Variants in NTM observed in about 807,000 individuals in gnomAD.
NTM encodes the protein IgLON family member 2.
A neutral mutation model predicts 42.1 loss-of-function variants in NTM; 13 were observed. That is an observed-to-expected ratio of 0.31 (90% CI 0.20 to 0.49). NTM has a LOEUF of 0.49. NTM is among the 20% of genes least tolerant of loss of function. NTM has a pLI of 0.99. For missense variants in NTM, 373 were observed against 452.8 expected, an observed-to-expected ratio of 0.82 and a Z score of 1.60; for synonymous variants, 187 against 179.2, an observed-to-expected ratio of 1.04 and a Z score of -0.35.
chr11:132,185,166 A>AACATCTCT (rs1488417359), intron 3 of NTM, among the ~76,000 whole-genome samples: 4 of 152,200 alleles, frequency 2.6e-5, no homozygotes, highest in African/African-American at 4.8e-5. Flanking sequence ...TTCACACTGA[A>AACATCTCT]ACATCTCTTT....
intron 1 of NTM, among the ~76,000 whole-genome samples, chr11:131,583,543 T>C (rs2058599697): frequency 6.6e-6 from 1 of 152,060 alleles, no homozygotes; most frequent in Non-Finnish European, 1.5e-5. Context: ...TTCAGAAGAG[T>C]AATCGCGCCT....
chr11:131,374,180 G>A (rs1253456200), intron 1 of NTM, among the ~76,000 whole-genome samples: 1 of 152,220 alleles, frequency 6.6e-6, no homozygotes, highest in Non-Finnish European at 1.5e-5. Flanking sequence ...GAGCCTCATC[G>A]AATGGAACCT....
At chr11:132,295,448 G>A (rs2094578690) in intron 4 of NTM, among the ~76,000 whole-genome samples, 1 of 152,074 alleles carries the variant, frequency 6.6e-6, no homozygotes, top group South Asian at 2.1e-4. Context: ...GAGTCCAGTG[G>A]GGTAAACATA....
intron 1 of NTM, among the ~76,000 whole-genome samples, chr11:131,649,745 G>C (rs1374940343): frequency 6.6e-6 from 1 of 152,162 alleles, no homozygotes. Flanking sequence ...TAGGTGAAAG[G>C]GAAGTGGATG....
chr11:131,590,840 T>C (rs2059301468), intron 1 of NTM, among the ~76,000 whole-genome samples: 1 of 152,076 alleles, frequency 6.6e-6, no homozygotes, highest in African/African-American at 2.4e-5. Context: ...TGGCCCCAAA[T>C]CCAATGCTCT....
chr11:132,317,691 G>A (rs1565467261), intron 7 of NTM: 4 of 1,303,288 alleles, frequency 3.1e-6, no homozygotes, highest in Non-Finnish European at 4.0e-6. Flanking sequence ...TTGTTGCAAG[G>A]TCAGTATCTT....
At chr11:131,963,900 T>A (rs1482848724) in intron 2 of NTM, among the ~76,000 whole-genome samples, 1 of 151,834 alleles carries the variant, frequency 6.6e-6, no homozygotes, top group Non-Finnish European at 1.5e-5. Context: ...AGAGAGAGAG[T>A]GTTAGAGTCA....
intron 1 of NTM, among the ~76,000 whole-genome samples, chr11:131,828,468 C>A (rs1249650871): frequency 2.6e-5 from 4 of 151,932 alleles, no homozygotes; most frequent in African/African-American, 9.7e-5. Flanking sequence ...AACATTACCA[C>A]CATCACCACC....
chr11:131,950,938 G>A (rs1442833370), intron 2 of NTM, among the ~76,000 whole-genome samples: 1 of 152,196 alleles, frequency 6.6e-6, no homozygotes, highest in Non-Finnish European at 1.5e-5. Flanking sequence ...TGGGAGGCAA[G>A]TTGAAGTCAG....
chr11:132,171,651 A>G (rs2076137492), intron 3 of NTM, among the ~76,000 whole-genome samples: 1 of 152,168 alleles, frequency 6.6e-6, no homozygotes, highest in African/African-American at 2.4e-5. Context: ...TTGTCCTTTC[A>G]CACACTTGGA....
intron 1 of NTM, among the ~76,000 whole-genome samples, chr11:131,703,258 C>T (rs138315038): frequency 1.2e-3 from 179 of 152,166 alleles, no homozygotes; most frequent in South Asian, 3.1e-3. Context: ...ACATTTTAGG[C>T]GATTGATATG....
intron 1 of NTM, among the ~76,000 whole-genome samples, chr11:131,634,940 A>T (rs1011767221): frequency 5.3e-5 from 8 of 152,224 alleles, no homozygotes; most frequent in Non-Finnish European, 1.2e-4. Flanking sequence ...CTGCATATTC[A>T]TTTCAATATC....
intron 1 of NTM, among the ~76,000 whole-genome samples, chr11:131,859,777 A>C (rs2046434927): frequency 6.6e-6 from 1 of 152,216 alleles, no homozygotes; most frequent in African/African-American, 2.4e-5. Flanking sequence ...CTCTACAAAC[A>C]GTATTGAAGA....
intron 1 of NTM, among the ~76,000 whole-genome samples, chr11:131,750,477 C>T (rs1180679314): frequency 6.6e-6 from 1 of 152,210 alleles, no homozygotes; most frequent in African/African-American, 2.4e-5. Flanking sequence ...AACCACCATA[C>T]AGGTCTTTTT....
At chr11:131,535,845 T>C (rs1002549009) in intron 1 of NTM, 1 of 152,180 alleles carries the variant, frequency 6.6e-6, no homozygotes, top group South Asian at 2.1e-4. Flanking sequence ...GCCGAAAACA[T>C]GGTTGAACGA....
At chr11:131,935,344 G>T (rs1340245748) in intron 2 of NTM, among the ~76,000 whole-genome samples, 1 of 152,162 alleles carries the variant, frequency 6.6e-6, no homozygotes, top group South Asian at 2.1e-4. Context: ...CTAGCCACCT[G>T]CCCTACTTAA....
chr11:131,650,835 C>G (rs2066392475), intron 1 of NTM, among the ~76,000 whole-genome samples: 1 of 152,110 alleles, frequency 6.6e-6, no homozygotes, highest in Non-Finnish European at 1.5e-5. Context: ...TCTTGGCCTC[C>G]TTCTTCTTCA....
intron 2 of NTM, among the ~76,000 whole-genome samples, chr11:131,931,321 C>T (rs565701180): frequency 6.6e-6 from 1 of 151,874 alleles, no homozygotes; most frequent in Non-Finnish European, 1.5e-5. Context: ...CGCTTGTGGT[C>T]CCAGCTACTG....
At chr11:131,971,750 GAAA>G (rs201385891) in intron 2 of NTM, among the ~76,000 whole-genome samples, 1 of 148,374 alleles carries the variant, frequency 6.7e-6, no homozygotes, top group Admixed American at 6.7e-5. Flanking sequence ...ACAAAAAAAA[GAAA>G]AAAAAAAATT....
Sources: gnomAD v4.1 joint callset for allele counts (sites outside exome capture counted in the v4.1 genomes callset) on GRCh38, gnomAD v4.1.1 for gene constraint, MANE v1.5 for transcripts, NCBI Gene and HGNC (gene_info 2026-07-23, HGNC 2026-07-21) for gene names.